TMEM163: variants seen among roughly 807,000 people sequenced by gnomAD.
The protein encoded by TMEM163 is transmembrane protein 163.
A neutral mutation model predicts 29.3 loss-of-function variants in TMEM163; 17 were observed. The ratio of observed to expected loss-of-function variants is 0.58; its 90% confidence interval spans 0.40 to 0.87. TMEM163 has a LOEUF of 0.87. Among genes scored for constraint, TMEM163 ranks in the 40% least tolerant of loss-of-function variants. The pLI is 0.00. For missense variants in TMEM163, 303 were observed against 381.5 expected, an observed-to-expected ratio of 0.79 and a Z score of 1.71; for synonymous variants, 157 against 160.6, an observed-to-expected ratio of 0.98 and a Z score of 0.17.
In TMEM163 at chr2:134,601,446, G is replaced by A. The variant is rs139488590; in HGVS notation, c.323-49355C>T. Among the ~76,000 whole-genome samples, 702 of 152,344 alleles carry A rather than the reference G, an allele frequency of 4.6e-3. 10 individuals are homozygous for A. The East Asian group carries it at 0.053, about 11-fold the overall frequency. On this transcript the variant is annotated intron_variant, in intron 2 of 7. Transcript: ENST00000281924. ...AAGAGCAGCAGGAGAAGGCAAGGCC[G>A]GAGCCCCGGAAGCCAGTGAGGTGGA...
At chr2:134,718,432 A>AAATGC (rs1387474347) in intron 1 of TMEM163, among the ~76,000 whole-genome samples, 1 of 152,210 alleles carries the variant, frequency 6.6e-6, no homozygotes, top group Non-Finnish European at 1.5e-5. Context: ...CCTCCCGCAA[A>AAATGC]CTTTTCCCGT....
Position 134,484,219 on chromosome 2 carries a change from C to T in TMEM163, c.556-17994G>A, listed in dbSNP as rs80087925. Among the ~76,000 whole-genome samples, 143 of 151,946 alleles carry T rather than the reference C, an allele frequency of 9.4e-4. No homozygotes were observed. In the East Asian group the frequency reaches 0.012, roughly 13 times the overall value. ...GTCAGGGTCTGAGTGCCTAGCACAA[C>T]GCGTGGAGGAAAAAAAAACACCCTC... is the stretch of plus-strand genomic sequence containing the variant. On this transcript the variant is annotated intron_variant, in intron 5 of 7. Transcript: ENST00000281924.
At chr2:134,614,718 G>A (rs1352985201) in intron 2 of TMEM163, among the ~76,000 whole-genome samples, 2 of 152,144 alleles carry the variant, frequency 1.3e-5, no homozygotes, top group Admixed American at 6.6e-5. Flanking sequence ...GCCAGGCTTG[G>A]TGCCACATGC....
At chr2:134,718,491 C>A (rs1236776731) in intron 1 of TMEM163, among the ~76,000 whole-genome samples, 1 of 152,204 alleles carries the variant, frequency 6.6e-6, no homozygotes, top group Non-Finnish European at 1.5e-5. Flanking sequence ...CGAGTCCAGG[C>A]GGGGTCGGCC....
chr2:134,595,468 G>C (rs976016666), intron 2 of TMEM163, among the ~76,000 whole-genome samples: 1 of 152,138 alleles, frequency 6.6e-6, no homozygotes, highest in African/African-American at 2.4e-5. Context: ...TGGCTGCATA[G>C]TATTCCATGG....
intron 2 of TMEM163, among the ~76,000 whole-genome samples, chr2:134,710,639 C>T (rs1371863456): frequency 1.5e-5 from 2 of 137,672 alleles, no homozygotes; most frequent in Admixed American, 7.2e-5. Context: ...TTCCACCTAA[C>T]TAAAAAAAAA....
At chr2:134,501,076 A>G (rs1022639136) in intron 5 of TMEM163, among the ~76,000 whole-genome samples, 1 of 152,220 alleles carries the variant, frequency 6.6e-6, no homozygotes, top group Admixed American at 6.5e-5. Flanking sequence ...GTCACTATAC[A>G]TGATATGTAT....
intron 2 of TMEM163, among the ~76,000 whole-genome samples, chr2:134,702,083 G>A (rs1385954943): frequency 2.6e-5 from 4 of 152,014 alleles, no homozygotes; most frequent in African/African-American, 9.7e-5. Flanking sequence ...GGATCTGAAA[G>A]TTTAAAACTG....
At chr2:134,508,466 G>C (rs554642834) in intron 4 of TMEM163, among the ~76,000 whole-genome samples, 2 of 151,612 alleles carry the variant, frequency 1.3e-5, no homozygotes, top group African/African-American at 2.4e-5. Flanking sequence ...TCCTAATGCT[G>C]GTTTTCTCCA....
chr2:134,566,448 A>G (rs1226963896), intron 2 of TMEM163, among the ~76,000 whole-genome samples: 4 of 152,162 alleles, frequency 2.6e-5, no homozygotes, highest in Non-Finnish European at 5.9e-5. Context: ...CTATAGTACC[A>G]GCTACTTGGG....
At chr2:134,535,426 T>G (rs1049347210) in intron 4 of TMEM163, among the ~76,000 whole-genome samples, 6 of 152,190 alleles carry the variant, frequency 3.9e-5, no homozygotes, top group African/African-American at 1.4e-4. Flanking sequence ...GAAAGAGGAT[T>G]TTTATTAACT....
chr2:134,507,210 C>G (rs1011361712), intron 4 of TMEM163, among the ~76,000 whole-genome samples: 3 of 152,022 alleles, frequency 2.0e-5, no homozygotes, highest in Non-Finnish European at 2.9e-5. Flanking sequence ...GTGGTGTATG[C>G]CTGTAATCCC....
intron 2 of TMEM163, among the ~76,000 whole-genome samples, chr2:134,562,206 A>G (rs1461821932): frequency 6.6e-6 from 1 of 152,150 alleles, no homozygotes; most frequent in African/African-American, 2.4e-5. Flanking sequence ...TTCTTTTATA[A>G]AACACAGAAA....
chr2:134,469,528 T>G (rs569920671), intron 5 of TMEM163: 2 of 152,376 alleles, frequency 1.3e-5, no homozygotes, highest in South Asian at 2.1e-4. Context: ...CAGAATTTCC[T>G]TCCTACGTGG....
chr2:134,624,014 A>G (rs1056082126), intron 2 of TMEM163, among the ~76,000 whole-genome samples: 3 of 152,140 alleles, frequency 2.0e-5, no homozygotes, highest in Non-Finnish European at 4.4e-5. Flanking sequence ...CCGCCCCAGA[A>G]CTGGAGTTTC....
At chr2:134,712,918 T>C (rs929096233) in intron 2 of TMEM163, among the ~76,000 whole-genome samples, 1 of 151,486 alleles carries the variant, frequency 6.6e-6, no homozygotes, top group African/African-American at 2.4e-5. Flanking sequence ...CCACCAAGAG[T>C]ATTTTCACTA....
intron 2 of TMEM163, among the ~76,000 whole-genome samples, chr2:134,553,668 C>G (rs1414174416): frequency 6.6e-6 from 1 of 152,198 alleles, no homozygotes; most frequent in African/African-American, 2.4e-5. Flanking sequence ...TCCCTAACCA[C>G]CGTTGTTTTT....
intron 4 of TMEM163, among the ~76,000 whole-genome samples, chr2:134,533,248 T>C (rs892889073): frequency 4.6e-5 from 7 of 152,194 alleles, no homozygotes; most frequent in African/African-American, 1.7e-4. Flanking sequence ...GGGTTACATA[T>C]ATAGGGAGTT....
intron 2 of TMEM163, among the ~76,000 whole-genome samples, chr2:134,658,628 C>T (rs1360511264): frequency 6.6e-6 from 1 of 151,964 alleles, no homozygotes; most frequent in Non-Finnish European, 1.5e-5. Flanking sequence ...GACCGAGTCT[C>T]ACTCTGTCGC....
Sources: gnomAD v4.1 joint callset for allele counts (sites outside exome capture counted in the v4.1 genomes callset) on GRCh38, gnomAD v4.1.1 for gene constraint, MANE v1.5 for transcripts, NCBI Gene and HGNC (gene_info 2026-07-23, HGNC 2026-07-21) for gene names.